Variants in CABIN1 observed in about 807,000 individuals in gnomAD.
CABIN1 encodes the protein calcineurin-binding protein cabin-1.
CABIN1 carries 133 observed loss-of-function variants against 227.7 expected under a neutral mutation model. That is an observed-to-expected ratio of 0.58 (90% confidence interval 0.51 to 0.67). The LOEUF is 0.67. CABIN1 is among the 30% of genes least tolerant of loss of function. The pLI, the probability that CABIN1 is intolerant of heterozygous loss-of-function variation, is 0.00. For synonymous variants in CABIN1, 1,086 were observed against 1,155.1 expected, an observed-to-expected ratio of 0.94 and a Z score of 1.21; for missense variants, 2,408 against 2,852.5, an observed-to-expected ratio of 0.84 and a Z score of 3.55.
intron 23 of CABIN1, among the ~76,000 whole-genome samples, chr22:24,088,115 C>T (rs1376566682): frequency 6.6e-6 from 1 of 152,172 alleles, no homozygotes; most frequent in African/African-American, 2.4e-5. Flanking sequence ...TAGGGGATTA[C>T]ACTAGTGCAG....
chr22:24,165,387 C>T (rs1472656458), intron 30 of CABIN1, 143 bp from the exon 31 acceptor site: 3 of 778,056 alleles, frequency 3.9e-6, no homozygotes, highest in African/African-American at 1.7e-5. Flanking sequence ...TCTAGGGGAG[C>T]AGCCCCAAAC....
At chr22:24,164,338 G>T in intron 29 of CABIN1, 62 bp from the exon 30 acceptor site, 2 of 1,589,858 alleles carry the variant, frequency 1.3e-6, no homozygotes, top group South Asian at 2.2e-5. Context: ...TACCAGACAG[G>T]GTGTCCCCGA....
At position 24,049,274 on chromosome 22, in the gene CABIN1, A is replaced by G. The variant is rs1367311523; in HGVS notation, c.656+54A>G. On this transcript the variant is annotated intron_variant, in intron 7 of 36. Coordinates refer to ENST00000263119, the MANE Select transcript of CABIN1 (RefSeq NM_012295.4). ...GTGCACGCTTACTGTGTGGCTGGTG[A>G]AGGTCAGGAGCACACCACATTCTCC... The G allele has an allele frequency of 1.4e-5, 23 of 1,599,624 alleles. 1 individual carries two copies. The Admixed American group carries it at 3.8e-4, about 27-fold the overall frequency.
intron 29 of CABIN1, among the ~76,000 whole-genome samples, chr22:24,147,672 G>A (rs2045236779): frequency 6.6e-6 from 1 of 151,788 alleles, no homozygotes. Flanking sequence ...TCAAACTCCT[G>A]GGCTCAAGCA....
chr22:24,096,907 C>T (rs149303731), intron 25 of CABIN1, among the ~76,000 whole-genome samples: 7 of 152,314 alleles, frequency 4.6e-5, no homozygotes, highest in East Asian at 3.9e-4. Context: ...GGGCACTGTG[C>T]GGGGTTCAGC....
At chr22:24,047,742 G>C (rs1039875343) in intron 6 of CABIN1, among the ~76,000 whole-genome samples, 2 of 152,220 alleles carry the variant, frequency 1.3e-5, no homozygotes, top group African/African-American at 4.8e-5. Flanking sequence ...TTCTACTTCT[G>C]CTCTGGTTTT....
Position 24,119,695 on chromosome 22 carries a change from C to A in CABIN1, c.4629C>A (p.His1543Gln). Residue 1543 changes from histidine to glutamine, a missense_variant, in exon 28 of 37, where the codon CAC (histidine) becomes CAA (glutamine). By Grantham distance (24) the His-to-Gln change is conservative. Around this residue, in one of 3 missense-constraint regions of CABIN1, gnomAD observed 649 missense variants for 910.3 expected, o/e 0.71. Coordinates refer to ENST00000263119, the MANE Select transcript of CABIN1 (RefSeq NM_012295.4). Reference protein sequence around the residue: ...LAFLYTYSKTHRNLQWARDVL... With the variant: ...LAFLYTYSKTQRNLQWARDVL... ...TCCTCTACACCTACAGCAAGACCCA[C>A]CGGGTGAGTGGCTGCCGGGCCAAGG... The A allele has an allele frequency of 1.9e-6, 3 of 1,613,816 alleles. No homozygotes were observed. Among genetic ancestry groups the A allele is most frequent in the Non-Finnish European group, 1.7e-6 (2 of 1,179,908 alleles).
intron 28 of CABIN1, among the ~76,000 whole-genome samples, chr22:24,123,190 G>A (rs1205652883): frequency 6.6e-6 from 1 of 152,156 alleles, no homozygotes; most frequent in East Asian, 1.9e-4. Context: ...CTGCACCATT[G>A]ATGTCAGTAT....
At chr22:24,076,014 A>G (rs927013397) in intron 18 of CABIN1, among the ~76,000 whole-genome samples, 155 bp from the exon 19 acceptor site, 2 of 149,666 alleles carry the variant, frequency 1.3e-5, no homozygotes, top group African/African-American at 5.1e-5. Context: ...TACTTATTTA[A>G]AAAGGCAAAA....
At chr22:24,142,793 C>T (rs1485165508) in intron 29 of CABIN1, among the ~76,000 whole-genome samples, 1 of 152,184 alleles carries the variant, frequency 6.6e-6, no homozygotes, top group Non-Finnish European at 1.5e-5. Flanking sequence ...CCAGGACTGT[C>T]CACACAGGGT....
intron 27 of CABIN1, among the ~76,000 whole-genome samples, chr22:24,117,592 A>T (rs2043162646): frequency 1.3e-5 from 2 of 152,060 alleles, no homozygotes; most frequent in African/African-American, 4.8e-5. Flanking sequence ...AAAAGAGAAT[A>T]GCTGTCTCTC....
chr22:24,114,053 C>CTGTTTT (rs1316355643), intron 27 of CABIN1, among the ~76,000 whole-genome samples: 1 of 145,470 alleles, frequency 6.9e-6, no homozygotes, highest in Non-Finnish European at 1.5e-5. Context: ...TCAGTGTGCT[C>CTGTTTT]TGTTTTTGTT....
intron 1 of CABIN1, among the ~76,000 whole-genome samples, chr22:24,016,580 G>A (rs936157249): frequency 2.6e-5 from 4 of 152,168 alleles, no homozygotes; most frequent in South Asian, 2.1e-4. Flanking sequence ...TTATCTTGCA[G>A]TTACAAACAG....
intron 27 of CABIN1, among the ~76,000 whole-genome samples, chr22:24,118,297 A>G (rs1418760074): frequency 6.6e-6 from 1 of 152,114 alleles, no homozygotes; most frequent in Non-Finnish European, 1.5e-5. Context: ...TGAGGGGAAC[A>G]TAGGGAGTGA....
chr22:24,174,727 C>T (rs2047011161), intron 34 of CABIN1, among the ~76,000 whole-genome samples: 1 of 152,132 alleles, frequency 6.6e-6, no homozygotes, highest in Non-Finnish European at 1.5e-5. Flanking sequence ...GGTTATTGGC[C>T]AGAGGCCTCA....
intron 21 of CABIN1, 49 bp downstream of exon 21, chr22:24,084,834 T>C (rs1362550878): frequency 6.3e-6 from 10 of 1,591,026 alleles, no homozygotes; most frequent in East Asian, 2.2e-5. Flanking sequence ...GGTCACACTC[T>C]TCCGCTCTGC....
Position 24,063,126 on chromosome 22 carries a change from G to T in CABIN1, c.1864G>T (p.Ala622Ser), listed in dbSNP as rs748454675. Residue 622 changes from alanine to serine, a missense_variant, in exon 14 of 37, where the codon GCT (alanine) becomes TCT (serine). Physicochemically the swap from Ala to Ser is moderately conservative, Grantham distance 99 (BLOSUM62 1). Coordinates refer to ENST00000263119, the MANE Select transcript of CABIN1 (RefSeq NM_012295.4). ...TGTGGTCCGTGTTTACTGGCTGAAG[G>T]CTCGCTTCCTGGCGCTGCAGGTTAG... ...EFVVRVYWLK[A>S]RFLALQGDME... The T allele has an allele frequency of 1.9e-6, 3 of 1,614,146 alleles. No homozygotes were observed. The South Asian group carries it at 3.3e-5, about 18-fold the overall frequency.
chr22:24,083,325 G>A lies in CABIN1; in HGVS notation c.2846G>A (p.Cys949Tyr). Reference protein sequence around the residue: ...LETALEQCFYCLYSFPSKKSK... With the variant: ...LETALEQCFYYLYSFPSKKSK... ...ACAGCCTTGGAGCAGTGCTTCTACT[G>A]CCTGTACAGCTTCCCCAGCAAGAAG... Residue 949 changes from cysteine to tyrosine, a missense_variant, in exon 20 of 37, where the codon TGC becomes TAC. Cys to Tyr is a radical substitution (Grantham distance 194). Coordinates refer to ENST00000263119, the MANE Select transcript of CABIN1 (RefSeq NM_012295.4). 1.2e-6 allele frequency: 2 copies of A among 1,613,860 alleles called. No individual in the cohort carries two copies. Among genetic ancestry groups the A allele is most frequent in the Non-Finnish European group, 1.7e-6 (2 of 1,180,026 alleles).
At chr22:24,071,141 C>T in intron 17 of CABIN1, 99 bp downstream of exon 17, 2 of 1,515,122 alleles carry the variant, frequency 1.3e-6, no homozygotes, top group South Asian at 2.3e-5. Flanking sequence ...GCTAATTAGG[C>T]ACCCAAAGGG....
Sources: gnomAD v4.1 joint callset for allele counts (sites outside exome capture counted in the v4.1 genomes callset) on GRCh38, gnomAD v4.1.1 for gene constraint, gnomAD v4.1.1 regional missense constraint, MANE v1.5 for transcripts, NCBI Gene and HGNC (gene_info 2026-07-23, HGNC 2026-07-21) for gene names.